The following TANGO6 variants were observed in gnomAD, a reference collection of about 807,000 sequenced individuals.
TANGO6 encodes the protein transport and golgi organization 6 homolog, also known as transport and Golgi organization protein 6 homolog.
TANGO6 carries 90 observed loss-of-function variants against 114.2 expected under a neutral mutation model. The ratio of observed to expected loss-of-function variants is 0.79; its 90% CI spans 0.66 to 0.94. The LOEUF is 0.94. TANGO6 is among the 40% of genes least tolerant of loss of function. The probability of loss-of-function intolerance (pLI) is 0.00; values close to 1 mark genes in which losing one functional copy is unlikely to be tolerated. For synonymous variants in TANGO6, 477 were observed against 509.8 expected (o/e 0.94, Z 0.87); for missense variants, 1,274 against 1,315.3 (o/e 0.97, Z 0.49).
chr16:68,862,820 CAA>C, intron 2 of TANGO6, 123 bp from the exon 3 acceptor site: 1 of 713,340 alleles, frequency 1.4e-6, no homozygotes, highest in South Asian at 1.5e-5. Flanking sequence ...GGAAGGAAAT[CAA>C]GAGAGGATAG....
At chr16:69,015,021 T>A (rs1322875826) in intron 15 of TANGO6, among the ~76,000 whole-genome samples, 1 of 152,076 alleles carries the variant, frequency 6.6e-6, no homozygotes, top group African/African-American at 2.4e-5. Context: ...TTGTTCTCCA[T>A]AGAAACCAGT....
intron 15 of TANGO6, among the ~76,000 whole-genome samples, chr16:69,015,689 G>A (rs1287062702): frequency 6.6e-6 from 1 of 151,796 alleles, no homozygotes; most frequent in African/African-American, 2.4e-5. Context: ...CGCCATGTTA[G>A]CCAGGATGGT....
chr16:68,976,888 T>G (rs1245326190), intron 15 of TANGO6, among the ~76,000 whole-genome samples: 1 of 152,240 alleles, frequency 6.6e-6, no homozygotes, highest in Non-Finnish European at 1.5e-5. Context: ...ACTTCTTAGG[T>G]ACTGCTGTAT....
intron 17 of TANGO6, among the ~76,000 whole-genome samples, chr16:69,082,129 G>A (rs572008834): frequency 1.1e-3 from 164 of 152,250 alleles, no homozygotes; most frequent in African/African-American, 3.4e-3. Context: ...GATTACAGGT[G>A]CCTGCCACCA....
chr16:68,959,483 A>T (rs541870928), intron 14 of TANGO6, among the ~76,000 whole-genome samples: 1 of 152,252 alleles, frequency 6.6e-6, no homozygotes, highest in South Asian at 2.1e-4. Flanking sequence ...GCTACTCAGG[A>T]GGCTGAGGCA....
intron 7 of TANGO6, among the ~76,000 whole-genome samples, chr16:68,886,529 A>G (rs1360424483): frequency 4.6e-5 from 7 of 150,654 alleles, no homozygotes; most frequent in Non-Finnish European, 3.0e-5. Flanking sequence ...TTTTTTTGAG[A>G]CAGAGTTTTG....
intron 15 of TANGO6, among the ~76,000 whole-genome samples, chr16:68,977,629 G>A (rs1339532259): frequency 6.6e-6 from 1 of 150,706 alleles, no homozygotes; most frequent in African/African-American, 2.4e-5. Flanking sequence ...CTTGAACCCG[G>A]GAGGCAGAGG....
intron 15 of TANGO6, among the ~76,000 whole-genome samples, chr16:68,993,506 T>C (rs1368417499): frequency 6.6e-6 from 1 of 152,234 alleles, no homozygotes; most frequent in Non-Finnish European, 1.5e-5. Flanking sequence ...AATACAGTGT[T>C]CCTTGTAGGA....
chr16:68,898,398 C>T (rs1386133130), intron 7 of TANGO6, among the ~76,000 whole-genome samples: 2 of 152,158 alleles, frequency 1.3e-5, no homozygotes, highest in Non-Finnish European at 2.9e-5. Context: ...CATGAAAGTG[C>T]CTCCATGATC....
chr16:68,970,450 C>T (rs979014066), intron 14 of TANGO6, among the ~76,000 whole-genome samples: 18 of 151,806 alleles, frequency 1.2e-4, no homozygotes, highest in Admixed American at 7.2e-4. Flanking sequence ...GGTGGATCAC[C>T]TGAGGTCAGG....
chr16:68,987,909 A>G (rs1332407515), intron 15 of TANGO6, among the ~76,000 whole-genome samples: 1 of 152,212 alleles, frequency 6.6e-6, no homozygotes, highest in Non-Finnish European at 1.5e-5. Context: ...GACTAATTAT[A>G]CTGAGCAACT....
At chr16:69,072,194 C>A (rs1010677241) in intron 17 of TANGO6, among the ~76,000 whole-genome samples, 1 of 151,210 alleles carries the variant, frequency 6.6e-6, no homozygotes, top group Non-Finnish European at 1.5e-5. Context: ...AGAATCTGAA[C>A]GCCACTCCCT....
rs1388961256 is a variant in TANGO6, at chr16:68,881,080, C to T, written c.1377+450C>T. 3.9e-5 allele frequency among the ~76,000 whole-genome samples: 6 copies of T among 152,190 alleles called. No homozygotes were observed. In the East Asian group the frequency reaches 7.7e-4, roughly 20 times the overall value. ...CTGGGATTACAGGCGCGAGCCACTGCGCCTGGCAAGCTGACCTTTTTAAGT... is the reference window on the plus strand; with the variant it reads ...CTGGGATTACAGGCGCGAGCCACTGTGCCTGGCAAGCTGACCTTTTTAAGT... On this transcript the variant is annotated intron_variant, in intron 7 of 17. Transcript: ENST00000261778.
intron 14 of TANGO6, among the ~76,000 whole-genome samples, chr16:68,955,081 C>A (rs1270687475): frequency 6.6e-6 from 1 of 152,138 alleles, no homozygotes; most frequent in Admixed American, 6.6e-5. Flanking sequence ...CCCCGTTGAC[C>A]TTTTCACAAC....
intron 17 of TANGO6, among the ~76,000 whole-genome samples, chr16:69,072,337 G>A (rs916431093): frequency 2.9e-4 from 44 of 152,030 alleles, no homozygotes; most frequent in African/African-American, 1.1e-3. Flanking sequence ...TGAATGAGAC[G>A]CACCCAGCCT....
chr16:69,001,632 A>G (rs1248627351), intron 15 of TANGO6, among the ~76,000 whole-genome samples: 1 of 152,208 alleles, frequency 6.6e-6, no homozygotes. Context: ...ACAGTTAGAA[A>G]GCAAAACAGA....
chr16:69,022,794 T>C, intron 15 of TANGO6, 34 bp from the exon 16 acceptor site: 1 of 1,549,088 alleles, frequency 6.5e-7, no homozygotes. Flanking sequence ...AAATTTTGTT[T>C]TAAGGGGTTT....
intron 17 of TANGO6, among the ~76,000 whole-genome samples, chr16:69,066,439 C>G (rs1049475113): frequency 1.3e-5 from 2 of 151,966 alleles, no homozygotes; most frequent in African/African-American, 4.8e-5. Flanking sequence ...GGATTACAGG[C>G]ACACACCACA....
intron 15 of TANGO6, among the ~76,000 whole-genome samples, chr16:68,988,234 G>A (rs1179502520): frequency 1.3e-5 from 2 of 152,198 alleles, no homozygotes; most frequent in Admixed American, 1.3e-4. Flanking sequence ...TGACAAGCCA[G>A]TGATCAGTTA....
Sources: gnomAD v4.1 joint callset for allele counts (sites outside exome capture counted in the v4.1 genomes callset) on GRCh38, gnomAD v4.1.1 for gene constraint, MANE v1.5 for transcripts, NCBI Gene and HGNC (gene_info 2026-07-23, HGNC 2026-07-21) for gene names.